Variants in CCSER2 observed in about 807,000 individuals in gnomAD.
The protein encoded by CCSER2 is coiled-coil serine rich protein 2.
A neutral mutation model predicts 92.3 loss-of-function variants in CCSER2; 46 were observed. The observed-to-expected ratio is 0.50, with a 90% CI of 0.39 to 0.64. CCSER2 has a LOEUF of 0.64. Ranked by LOEUF, CCSER2 falls within the 30% of genes least tolerant of loss-of-function variation. CCSER2 has a pLI of 0.00. For synonymous variants in CCSER2, 433 were observed against 431.4 expected, an observed-to-expected ratio of 1.00 and a Z score of -0.04; for missense variants, 1,244 against 1,238.9, an observed-to-expected ratio of 1.00 and a Z score of -0.06.
At chr10:84,370,749 A>G (rs929830482) in intron 1 of CCSER2, among the ~76,000 whole-genome samples, 1 of 152,124 alleles carries the variant, frequency 6.6e-6, no homozygotes, top group South Asian at 2.1e-4. Flanking sequence ...TACATAGTCA[A>G]ATTTGGTGGT....
rs1849525885 is a variant in CCSER2, at chr10:84,514,411, G to A, written c.*144G>A. 8 of 631,636 alleles carry A rather than the reference G, an allele frequency of 1.3e-5. No homozygotes were observed. Among genetic ancestry groups the A allele is most frequent in the South Asian group, 2.1e-5 (1 of 46,738 alleles). 39.1% of individuals were successfully genotyped at this position (631,636 alleles called of 1,614,324 possible). ...AATTAAAATGTGGAAGCTTCTACTAGTTTGGCTCCTTCATTTTATATCCTG... is the reference window on the plus strand; with the variant it reads ...AATTAAAATGTGGAAGCTTCTACTAATTTGGCTCCTTCATTTTATATCCTG... On this transcript the variant is annotated 3_prime_UTR_variant, in exon 10 of 10. Transcript: ENST00000372088.
chr10:84,482,466 G>A (rs879391172), intron 9 of CCSER2, among the ~76,000 whole-genome samples: 6 of 152,146 alleles, frequency 3.9e-5, no homozygotes, highest in Non-Finnish European at 7.4e-5. Flanking sequence ...ACAGATCCAT[G>A]TACAAGCATA....
At chr10:84,503,024 A>T (rs1471452325) in intron 9 of CCSER2, among the ~76,000 whole-genome samples, 1 of 152,046 alleles carries the variant, frequency 6.6e-6, no homozygotes, top group Non-Finnish European at 1.5e-5. Context: ...GGAGATCGAG[A>T]CCATCCTGGT....
At chr10:84,504,425 G>C (rs1374940042) in intron 9 of CCSER2, among the ~76,000 whole-genome samples, 1 of 152,044 alleles carries the variant, frequency 6.6e-6, no homozygotes, top group Non-Finnish European at 1.5e-5. Flanking sequence ...CTTTGTAAGA[G>C]CCAGCTTTTC....
intron 9 of CCSER2, among the ~76,000 whole-genome samples, chr10:84,494,723 A>G (rs1480542749): frequency 6.6e-6 from 1 of 152,204 alleles, no homozygotes; most frequent in East Asian, 1.9e-4. Context: ...GCAGTCATAA[A>G]GCAGCTATGT....
chr10:84,487,083 G>A (rs1847851828), intron 9 of CCSER2, among the ~76,000 whole-genome samples: 1 of 152,124 alleles, frequency 6.6e-6, no homozygotes, highest in Admixed American at 6.5e-5. Flanking sequence ...TGAGGGCTCT[G>A]TTCTGTTCCA....
At chr10:84,401,974 G>C (rs1842140850) in intron 3 of CCSER2, among the ~76,000 whole-genome samples, 1 of 152,144 alleles carries the variant, frequency 6.6e-6, no homozygotes, top group South Asian at 2.1e-4. Flanking sequence ...CTTTCCCACA[G>C]CTTGCATTAA....
In CCSER2 at chr10:84,407,530, A is replaced by C. The variant is rs552257994; in HGVS notation, c.1615-10241A>C. 2.6e-5 allele frequency among the ~76,000 whole-genome samples: 4 copies of C among 152,254 alleles called. No individual in the cohort carries two copies. The East Asian group carries it at 5.8e-4, about 22-fold the overall frequency. On this transcript the variant is annotated intron_variant, in intron 3 of 9. Transcript: ENST00000372088. ...TTCGTCCTGTAGAGTCTAACTCCTC[A>C]GTGTGTTTCATTACTGCTTATTCTT...
At chr10:84,420,744 T>C (rs1482760558) in intron 4 of CCSER2, among the ~76,000 whole-genome samples, 1 of 151,882 alleles carries the variant, frequency 6.6e-6, no homozygotes, top group African/African-American at 2.4e-5. Flanking sequence ...CCATCCTGGC[T>C]AACATGGTGA....
chr10:84,368,513 TAAC>T (rs1845901290), intron 1 of CCSER2, among the ~76,000 whole-genome samples: 1 of 152,114 alleles, frequency 6.6e-6, no homozygotes, highest in Admixed American at 6.6e-5. Context: ...TTTGACATAA[TAAC>T]ATGTATTATA....
At chr10:84,385,017 A>C (rs1276909780) in intron 3 of CCSER2, among the ~76,000 whole-genome samples, 1 of 151,898 alleles carries the variant, frequency 6.6e-6, no homozygotes, top group Non-Finnish European at 1.5e-5. Flanking sequence ...ACACACACAC[A>C]CACACACACA....
intron 9 of CCSER2, among the ~76,000 whole-genome samples, chr10:84,484,601 A>G (rs781077058): frequency 5.9e-5 from 9 of 152,184 alleles, no homozygotes; most frequent in Non-Finnish European, 1.2e-4. Context: ...AAGTATTTTT[A>G]GAGAAAATCA....
In CCSER2 at chr10:84,376,039, C is replaced by T. The variant is rs116922480; in HGVS notation, c.1614+2224C>T. On this transcript the variant is annotated intron_variant, in intron 3 of 9. Coordinates refer to ENST00000372088, the MANE Select transcript of CCSER2 (RefSeq NM_001284240.2). ...TGTCACTTCTAACACAGTTTAGTTC[C>T]ACCCACTGTTCATTTCTGCTGACAT... Among the ~76,000 whole-genome samples the T allele has an allele frequency of 2.3e-4, 35 of 152,118 alleles. 1 individual carries two copies. The highest frequency in any genetic ancestry group is 6.8e-3 in the Middle Eastern group (2 of 294).
At chr10:84,378,224 A>G (rs1223517378) in intron 3 of CCSER2, among the ~76,000 whole-genome samples, 1 of 151,920 alleles carries the variant, frequency 6.6e-6, no homozygotes, top group African/African-American at 2.4e-5. Flanking sequence ...AATGAATATT[A>G]AGTTTTACCA....
chr10:84,477,563 G>GT lies in CCSER2; in HGVS notation c.2236-7dup. The stretch of plus-strand genomic sequence containing the variant: ...AATTAAACCAATGTAAAAATTTTGT[G>GT]TTTTTGTTTAGGCAACTCAGCATAT... On this transcript the variant is annotated splice_polypyrimidine_tract_variant and intron_variant, in intron 8 of 9. Coordinates refer to ENST00000372088, the MANE Select transcript of CCSER2 (RefSeq NM_001284240.2). The GT allele has an allele frequency of 1.3e-6, 2 of 1,563,288 alleles. No homozygotes were observed. Among genetic ancestry groups the GT allele is most frequent in the Non-Finnish European group, 1.8e-6 (2 of 1,136,240 alleles).
chr10:84,346,493 T>C (rs1333785841), intron 1 of CCSER2, among the ~76,000 whole-genome samples: 1 of 152,140 alleles, frequency 6.6e-6, no homozygotes, highest in Non-Finnish European at 1.5e-5. Context: ...AATAAAATAG[T>C]GTAATAATTG....
At chr10:84,333,633 T>C (rs1266147547) in intron 1 of CCSER2, among the ~76,000 whole-genome samples, 3 of 152,202 alleles carry the variant, frequency 2.0e-5, no homozygotes, top group Non-Finnish European at 4.4e-5. Flanking sequence ...CATGTGACAA[T>C]GTGGCTATAT....
intron 4 of CCSER2, chr10:84,425,314 C>A: frequency 8.2e-6 from 2 of 244,848 alleles, no homozygotes; most frequent in Non-Finnish European, 1.3e-5. Flanking sequence ...TGTAGCAGTC[C>A]TTTATAGGAA....
rs572894513 is a variant in CCSER2, at chr10:84,511,105, T to G, written c.2326-2344T>G. 3.4e-4 allele frequency among the ~76,000 whole-genome samples: 52 copies of G among 152,366 alleles called. 1 individual carries two copies. The South Asian group carries it at 0.011, about 32-fold the overall frequency. ...ATGTAATTCACTAGTAGTATAGATGTCTAACTTGTAGTTTAGACATTTATT... is the reference window on the plus strand; with the variant it reads ...ATGTAATTCACTAGTAGTATAGATGGCTAACTTGTAGTTTAGACATTTATT... On this transcript the variant is annotated intron_variant, in intron 9 of 9. Coordinates refer to ENST00000372088, the MANE Select transcript of CCSER2 (RefSeq NM_001284240.2).
Sources: allele counts gnomAD v4.1 joint callset (sites outside exome capture counted in the v4.1 genomes callset), GRCh38; gene constraint gnomAD v4.1.1; transcripts MANE v1.5; gene names NCBI Gene and HGNC (gene_info 2026-07-23, HGNC 2026-07-21).